ABHD2: variants seen among roughly 807,000 people sequenced by gnomAD.
ABHD2 encodes abhydrolase domain containing 2, acylglycerol lipase.
ABHD2 carries 20 observed loss-of-function variants against 48.1 expected under a neutral mutation model. That is an observed-to-expected ratio of 0.42 (90% CI 0.29 to 0.60). The LOEUF (loss-of-function observed/expected upper bound fraction) is 0.60, where lower values mean the gene tolerates loss of function less well. ABHD2 is among the 20% of genes least tolerant of loss of function. The pLI is 0.24. For missense variants in ABHD2, 405 were observed against 550.9 expected (o/e 0.74, Z 2.65); for synonymous variants, 209 against 214.2 (o/e 0.98, Z 0.21).
intron 3 of ABHD2, among the ~76,000 whole-genome samples, chr15:89,141,493 C>A (rs964257376): frequency 2.6e-5 from 4 of 152,172 alleles, no homozygotes; most frequent in African/African-American, 9.6e-5. Flanking sequence ...ATTAGCCAGG[C>A]ATGGTGGCGT....
chr15:89,183,384 A>ATATATATATAT (rs1555433649), intron 6 of ABHD2: 28 of 46,188 alleles, frequency 6.1e-4, no homozygotes, highest in East Asian at 3.1e-3. Flanking sequence ...AAAAAAAAAA[A>ATATATATATAT]ATATATATAT....
chr15:89,075,097 G>T, the ABHD2 span, among the ~76,000 whole-genome samples: 2 of 152,108 alleles, frequency 1.3e-5, no homozygotes, highest in Non-Finnish European at 2.9e-5. The surrounding 1 kb of genome is among the most constrained non-coding windows in gnomAD (Gnocchi z 4.1). Flanking sequence ...TTGAACAAGC[G>T]TGTTTTAGTG....
intron 3 of ABHD2, among the ~76,000 whole-genome samples, chr15:89,119,282 C>A (rs1215767500): frequency 6.6e-6 from 1 of 152,162 alleles, no homozygotes; most frequent in Non-Finnish European, 1.5e-5. Context: ...ATTCTAAACA[C>A]CCGAGCAATC....
At chr15:89,154,328 A>G (rs2050637566) in intron 4 of ABHD2, among the ~76,000 whole-genome samples, 1 of 152,266 alleles carries the variant, frequency 6.6e-6, no homozygotes, top group African/African-American at 2.4e-5. Flanking sequence ...AGCATTAAGA[A>G]TTTCTAAATT....
At chr15:89,150,110 A>G (rs948688576) in intron 3 of ABHD2, among the ~76,000 whole-genome samples, 3 of 152,254 alleles carry the variant, frequency 2.0e-5, no homozygotes, top group African/African-American at 7.2e-5. Flanking sequence ...TTCTGAGATT[A>G]TATTGTATTC....
At chr15:89,117,058 C>T (rs1257878370) in intron 3 of ABHD2, among the ~76,000 whole-genome samples, 1 of 152,110 alleles carries the variant, frequency 6.6e-6, no homozygotes, top group Non-Finnish European at 1.5e-5. Context: ...TAGAGTCTTG[C>T]TCAGTCACTC....
At chr15:89,129,169 G>A (rs923234138) in intron 3 of ABHD2, among the ~76,000 whole-genome samples, 2 of 152,132 alleles carry the variant, frequency 1.3e-5, no homozygotes, top group African/African-American at 4.8e-5. Context: ...AAGACCAGAT[G>A]TGTAGATTCC....
the ABHD2 span, among the ~76,000 whole-genome samples, chr15:89,077,778 C>A: frequency 6.6e-6 from 1 of 152,172 alleles, no homozygotes; most frequent in African/African-American, 2.4e-5. Flanking sequence ...TCTCCTCCTG[C>A]CAAGTTTCAT....
the ABHD2 span, among the ~76,000 whole-genome samples, chr15:89,053,117 C>T: frequency 7.9e-5 from 12 of 151,996 alleles, no homozygotes; most frequent in Middle Eastern, 3.2e-3. Flanking sequence ...CAGGCACGTG[C>T]CACCACGCCT....
chr15:89,097,915 C>T lies in ABHD2; in HGVS notation c.-107+9352C>T, dbSNP rs1032938478. Reference sequence around the variant, plus strand: ...ATTTCTTGTTTTTTCTTTTTTGAGACAGTCTCACTCTGTCACGCAGGCTGG... The same window carrying T: ...ATTTCTTGTTTTTTCTTTTTTGAGATAGTCTCACTCTGTCACGCAGGCTGG... On this transcript the variant is annotated intron_variant, in intron 1 of 10. Transcript: ENST00000352732. The surrounding 1 kb of genome is among the most constrained non-coding windows in gnomAD (Gnocchi z 4.2). Among the ~76,000 whole-genome samples the T allele has an allele frequency of 2.0e-5, 3 of 152,114 alleles. 1 individual carries two copies. The South Asian group carries it at 6.2e-4, about 31-fold the overall frequency.
chr15:89,074,511 T>C, the ABHD2 span, among the ~76,000 whole-genome samples: 1 of 152,208 alleles, frequency 6.6e-6, no homozygotes, highest in South Asian at 2.1e-4. Flanking sequence ...GGGATTCTAA[T>C]GTGTCACCAG....
At chr15:89,070,920 G>A in the ABHD2 span, among the ~76,000 whole-genome samples, 3 of 151,912 alleles carry the variant, frequency 2.0e-5, no homozygotes, top group African/African-American at 4.8e-5. Context: ...TCTGCCGTCC[G>A]GAAGGGCCTT....
chr15:89,056,766 C>G, the ABHD2 span, among the ~76,000 whole-genome samples: 1 of 152,182 alleles, frequency 6.6e-6, no homozygotes, highest in Non-Finnish European at 1.5e-5. Context: ...AGTCATTCAC[C>G]TCACTGGGCC....
chr15:89,190,297 G>A (rs748002531), intron 8 of ABHD2, among the ~76,000 whole-genome samples: 19 of 152,322 alleles, frequency 1.2e-4, no homozygotes, highest in South Asian at 8.3e-4. Context: ...GCCTCTGGGA[G>A]CACGGAGCAG....
At chr15:89,156,965 A>G (rs1272734172) in intron 5 of ABHD2, among the ~76,000 whole-genome samples, 2 of 152,234 alleles carry the variant, frequency 1.3e-5, no homozygotes, top group Non-Finnish European at 2.9e-5. Flanking sequence ...ATTTCTTCCA[A>G]CTACCCTTCT....
chr15:89,191,135 C>T lies in ABHD2; in HGVS notation c.982C>T (p.Arg328Trp), dbSNP rs762813350. ...KEYYEEESCM[R>W]YLHRIYVPLM... ...ATACTATGAGGAAGAAAGTTGCATG[C>T]GGTACCTGCACAGGGTGAGTGGCCA... Residue 328 changes from arginine to tryptophan, a missense_variant, in exon 9 of 11, where the codon CGG (arginine) becomes TGG (tryptophan). Coordinates refer to ENST00000352732, the MANE Select transcript of ABHD2 (RefSeq NM_152924.5). 4.3e-6 allele frequency: 7 copies of T among 1,613,964 alleles called. No homozygotes were observed. The highest frequency in any genetic ancestry group is 3.3e-5 in the Admixed American group (2 of 60,018).
rs1270554802 is a variant in ABHD2 at position 89,185,543 on chromosome 15, GAGAC to G, written c.815+34_815+37del. The G allele has an allele frequency of 2.5e-5, 40 of 1,597,020 alleles. No individual in the cohort carries two copies. The highest frequency in any genetic ancestry group is 3.3e-5 in the Non-Finnish European group (39 of 1,164,622). On this transcript the variant is annotated intron_variant, in intron 7 of 10. Coordinates refer to ENST00000352732, the MANE Select transcript of ABHD2 (RefSeq NM_152924.5). The surrounding 1 kb of genome is among the most constrained non-coding windows in gnomAD (Gnocchi z 5.9). ...TAGGTCACCTTCCGTTCTCTCTCAGGAGACAGACAGTTCCTTCCTGAGCTCATCT... is the reference window on the plus strand; with the variant it reads ...TAGGTCACCTTCCGTTCTCTCTCAGGAGACAGTTCCTTCCTGAGCTCATCT...
intron 3 of ABHD2, among the ~76,000 whole-genome samples, chr15:89,148,033 C>G (rs2050524244): frequency 1.4e-5 from 2 of 142,268 alleles, no homozygotes; most frequent in Non-Finnish European, 3.0e-5. Context: ...GCAAGAGAAT[C>G]TGTTGGACCC....
chr15:89,049,056 G>A, the ABHD2 span, among the ~76,000 whole-genome samples: 1 of 152,082 alleles, frequency 6.6e-6, no homozygotes. Flanking sequence ...TGTACAGATG[G>A]GTTTTTGGTG....
Sources: gnomAD v4.1 joint callset for allele counts (sites outside exome capture counted in the v4.1 genomes callset) on GRCh38, gnomAD v4.1.1 for gene constraint, Gnocchi (gnomAD v3.1) non-coding constraint, MANE v1.5 for transcripts, NCBI Gene and HGNC (gene_info 2026-07-23, HGNC 2026-07-21) for gene names.